The following PRKN variants were observed in gnomAD, a reference collection of about 807,000 sequenced individuals.
PRKN encodes the protein parkin RBR E3 ubiquitin protein ligase.
In PRKN, 56 loss-of-function variants were observed where a neutral mutation model predicts 59.5. That is an observed-to-expected ratio of 0.94 (90% CI 0.76 to 1.18). The LOEUF (loss-of-function observed/expected upper bound fraction) is 1.18. Among genes scored for constraint, PRKN ranks in the 50% most tolerant of loss-of-function variants. The pLI is 0.00. For missense variants in PRKN, 657 were observed against 596.4 expected, an observed-to-expected ratio of 1.10 and a Z score of -1.06; for synonymous variants, 250 against 222.1, an observed-to-expected ratio of 1.13 and a Z score of -1.12.
intron 2 of PRKN, among the ~76,000 whole-genome samples, chr6:162,359,079 A>AATATATATATATAT (rs1554304695): frequency 5.5e-4 from 46 of 83,208 alleles, no homozygotes; most frequent in African/African-American, 2.8e-3. Context: ...AAAAAAAAAA[A>AATATATATATATAT]ATATATATAT....
intron 1 of PRKN, among the ~76,000 whole-genome samples, chr6:162,545,400 A>G (rs540287744): frequency 6.6e-6 from 1 of 152,338 alleles, no homozygotes; most frequent in South Asian, 2.1e-4. Context: ...GTGAACTGCC[A>G]GAATTACACA....
At position 161,938,625 on chromosome 6, in the gene PRKN, T is replaced by C. The variant is rs577185168; in HGVS notation, c.734+34677A>G. On this transcript the variant is annotated intron_variant, in intron 6 of 11. Transcript: ENST00000366898. ...TTGGGATAGAAAGTAAGAAGAAATT[T>C]TGAAGGACGTTGAAACGAAAGAAAC... Among the ~76,000 whole-genome samples the C allele has an allele frequency of 2.4e-3, 361 of 152,300 alleles. 1 individual carries two copies. Among genetic ancestry groups the C allele is most frequent in the African/African-American group, 8.1e-3 (336 of 41,570 alleles).
At chr6:162,642,944 AATATAGG>A (rs1200393529) in intron 1 of PRKN, among the ~76,000 whole-genome samples, 1 of 152,176 alleles carries the variant, frequency 6.6e-6, no homozygotes, top group Non-Finnish European at 1.5e-5. Context: ...ATGATTGAAG[AATATAGG>A]ATATGGTGGA....
At chr6:162,587,759 T>G (rs1235886699) in intron 1 of PRKN, among the ~76,000 whole-genome samples, 1 of 152,090 alleles carries the variant, frequency 6.6e-6, no homozygotes, top group Non-Finnish European at 1.5e-5. Context: ...ATAAACCTCC[T>G]TGATGATTAC....
chr6:161,357,164 G>A lies in PRKN; in HGVS notation c.1285+2924C>T, dbSNP rs949911732. Among the ~76,000 whole-genome samples the A allele has an allele frequency of 6.7e-6, 1 of 148,360 alleles. No homozygotes were observed. Among genetic ancestry groups the A allele is most frequent in the Non-Finnish European group, 1.5e-5 (1 of 67,726 alleles). ...CCTCCCAGGTTCAAGTAATTCTCCT[G>A]CCTCAGGTTCCCAAGCAGTTGGGAC... On this transcript the variant is annotated intron_variant, in intron 11 of 11. Coordinates refer to ENST00000366898, the MANE Select transcript of PRKN (RefSeq NM_004562.3). This position sits in a 1 kb window ranked among gnomAD's most constrained non-coding sequence, Gnocchi z 5.5.
chr6:161,638,738 ATTTT>A (rs386409169), intron 7 of PRKN, among the ~76,000 whole-genome samples: 2,011 of 100,162 alleles, frequency 0.02, 40 homozygotes, highest in East Asian at 0.074. Context: ...ACGAGATCTG[ATTTT>A]TTTTTTTTTT....
intron 3 of PRKN, among the ~76,000 whole-genome samples, chr6:162,244,507 T>C (rs1016156621): frequency 2.0e-5 from 3 of 152,102 alleles, no homozygotes; most frequent in Admixed American, 6.6e-5. Flanking sequence ...AAGTTTCTCA[T>C]TGAGTAGCTC....
intron 7 of PRKN, among the ~76,000 whole-genome samples, chr6:161,682,553 G>A (rs982133914): frequency 3.3e-5 from 5 of 152,154 alleles, no homozygotes; most frequent in East Asian, 1.9e-4. Flanking sequence ...GAGGGGCTGC[G>A]GGGAGCAGGC....
intron 1 of PRKN, among the ~76,000 whole-genome samples, chr6:162,460,829 T>C (rs1791117116): frequency 6.6e-6 from 1 of 152,230 alleles, no homozygotes; most frequent in Admixed American, 6.5e-5. Context: ...ACAGTTGCTG[T>C]ACCTAGAAGT....
rs1168073172 is a variant in PRKN, at chr6:161,545,468, C to G, written c.1083+3386G>C. 1 of 1,483,060 alleles carries G rather than the reference C, an allele frequency of 6.7e-7. No homozygotes were observed. 91.9% of individuals were successfully genotyped at this position (1,483,060 alleles called of 1,614,324 possible). On this transcript the variant is annotated intron_variant, in intron 9 of 11. Transcript: ENST00000366898. The surrounding 1 kb of genome is among the most constrained non-coding windows in gnomAD (Gnocchi z 4.1). ...AGAGCAAAGAGTAAAAAGAGATTCA[C>G]CTTCTTCTAACTTTTATGTATTTGG...
intron 9 of PRKN, among the ~76,000 whole-genome samples, chr6:161,524,317 C>T (rs1778942332): frequency 6.6e-6 from 1 of 152,066 alleles, no homozygotes; most frequent in South Asian, 2.1e-4. Context: ...TTTTGTGTAT[C>T]TATAGGAAGA....
In PRKN at chr6:161,944,295, T is replaced by C. The variant is rs112514990; in HGVS notation, c.734+29007A>G. On this transcript the variant is annotated intron_variant, in intron 6 of 11. Coordinates refer to ENST00000366898, the MANE Select transcript of PRKN (RefSeq NM_004562.3). Reference sequence around the variant, plus strand: ...GCAATGGGGGGCTTAAGGAATGTGATAGCTTGACAAAGGTTTGGAGGAGGG... The same window carrying C: ...GCAATGGGGGGCTTAAGGAATGTGACAGCTTGACAAAGGTTTGGAGGAGGG... 9.5e-4 allele frequency among the ~76,000 whole-genome samples: 145 copies of C among 152,342 alleles called. 1 individual carries two copies. Among genetic ancestry groups the C allele is most frequent in the African/African-American group, 3.4e-3 (141 of 41,580 alleles).
At chr6:161,860,774 T>C (rs1300723251) in intron 6 of PRKN, among the ~76,000 whole-genome samples, 1 of 152,196 alleles carries the variant, frequency 6.6e-6, no homozygotes, top group African/African-American at 2.4e-5. Flanking sequence ...ACAAAGGATA[T>C]GAAGAGACAC....
rs1192730399 is a variant in PRKN, at chr6:161,448,206, A to G, written c.1084-61329T>C. On this transcript the variant is annotated intron_variant, in intron 9 of 11. Transcript: ENST00000366898. The surrounding 1 kb of genome is among the most constrained non-coding windows in gnomAD (Gnocchi z 5.1). ...AGATCTTCACTTTTCCCCACACCGT[A>G]ATATTTCACTGGATTCTTGGAATAT... 6.6e-6 allele frequency among the ~76,000 whole-genome samples: 1 copy of G among 152,186 alleles called. No homozygotes were observed. Among genetic ancestry groups the G allele is most frequent in the African/African-American group, 2.4e-5 (1 of 41,452 alleles).
chr6:161,928,296 A>T (rs1236305299), intron 6 of PRKN, among the ~76,000 whole-genome samples: 1 of 152,214 alleles, frequency 6.6e-6, no homozygotes, highest in South Asian at 2.1e-4. Context: ...GACACTTATT[A>T]TTAATATTTG....
At chr6:162,150,231 G>A (rs713053) in intron 4 of PRKN, among the ~76,000 whole-genome samples, 63,473 of 152,034 alleles carry the variant, frequency 0.42, 15,938 homozygotes, top group Non-Finnish European at 0.56. Context: ...GAAAAGGATC[G>A]GTCACAGCAA....
At position 162,690,386 on chromosome 6, in the gene PRKN, T is replaced by C. The variant is rs558360219; in HGVS notation, c.7+37276A>G. On this transcript the variant is annotated intron_variant, in intron 1 of 11. Transcript: ENST00000366898. ...AAACTCAAGCAACCTGCTTTCAGAG[T>C]CTCTGTTTCCTTGTTTACTGCTCGC... Among the ~76,000 whole-genome samples, 4 of 152,166 alleles carry C rather than the reference T, an allele frequency of 2.6e-5. No individual in the cohort carries two copies. The South Asian group carries it at 8.3e-4, about 32-fold the overall frequency.
intron 6 of PRKN, among the ~76,000 whole-genome samples, chr6:161,908,622 G>T (rs1345942131): frequency 6.6e-6 from 1 of 150,982 alleles, no homozygotes; most frequent in African/African-American, 2.4e-5. Flanking sequence ...TTAAAATCCA[G>T]ATTGGTATGT....
At chr6:162,156,988 G>T (rs1954932) in intron 4 of PRKN, among the ~76,000 whole-genome samples, 142,603 of 152,014 alleles carry the variant, frequency 0.94, 67,389 homozygotes, top group Non-Finnish European at 1. Flanking sequence ...ATGAATACCT[G>T]TATACATCAA....
Sources: gnomAD v4.1 joint callset for allele counts (sites outside exome capture counted in the v4.1 genomes callset) on GRCh38, gnomAD v4.1.1 for gene constraint, Gnocchi (gnomAD v3.1) non-coding constraint, MANE v1.5 for transcripts, NCBI Gene and HGNC (gene_info 2026-07-23, HGNC 2026-07-21) for gene names.